AAMP: variants seen among roughly 807,000 people sequenced by gnomAD.
AAMP encodes the protein angio associated migratory cell protein.
In AAMP, 12 loss-of-function variants were observed where a neutral mutation model predicts 51.1. The observed-to-expected ratio is 0.23, with a 90% confidence interval of 0.15 to 0.38. The LOEUF (loss-of-function observed/expected upper bound fraction) is 0.38, where lower values mean the gene tolerates loss of function less well. Ranked by LOEUF, AAMP falls within the 10% of genes least tolerant of loss-of-function variation. The pLI is 1.00. For synonymous variants in AAMP, 210 were observed against 218.7 expected, an observed-to-expected ratio of 0.96 and a Z score of 0.35; for missense variants, 418 against 557.2, an observed-to-expected ratio of 0.75 and a Z score of 2.52.
In AAMP at chr2:218,266,383, G is replaced by A. The variant is rs777962923; in HGVS notation, c.679+60C>T. 6 of 1,587,098 alleles carry A rather than the reference G, an allele frequency of 3.8e-6. No individual in the cohort carries two copies. Among genetic ancestry groups the A allele is most frequent in the Non-Finnish European group, 4.3e-6 (5 of 1,161,652 alleles). The stretch of plus-strand genomic sequence containing the variant: ...GACCCAGAAGGCTGCTCTGGGAGGT[G>A]TATATCCCGGGATTCGGCCTCTGCA... On this transcript the variant is annotated intron_variant, in intron 5 of 10. Coordinates refer to ENST00000248450, the MANE Select transcript of AAMP (RefSeq NM_001087.5). The surrounding 1 kb of genome is among the most constrained non-coding windows in gnomAD (Gnocchi z 4.7).
rs760991217 is a variant in AAMP at position 218,265,590 on chromosome 2, G to A, written c.972C>T (p.Gly324=). The A allele has an allele frequency of 2.5e-6, 4 of 1,613,804 alleles. No individual in the cohort carries two copies. The South Asian group carries it at 4.4e-5, about 18-fold the overall frequency. Residue 324 remains glycine (G), a synonymous_variant, in exon 8 of 11, where the codon GGC becomes GGT. Transcript: ENST00000248450. This position sits in a 1 kb window ranked among gnomAD's most constrained non-coding sequence, Gnocchi z 6.6. ...ESESNSVESL[G]FCSVMPLAAV... is the part of the protein sequence containing the mutation. The stretch of plus-strand genomic sequence containing the variant: ...CCATCCTCACTCACACACTGCAGAA[G>A]CCCAAGGACTCCACCGAGTTGGACT...
Position 218,266,876 on chromosome 2 carries a change from C to T in AAMP, c.505G>A (p.Val169Ile), listed in dbSNP as rs997092266. 1 of 1,614,206 alleles carries T rather than the reference C, an allele frequency of 6.2e-7. No individual in the cohort carries two copies. Among genetic ancestry groups the T allele is most frequent in the South Asian group, 1.1e-5 (1 of 91,084 alleles). ...AGGTCTCCCGCTTCAAAGGACCAGA[C>T]CTCCTCCTTAGTGTCCACCTGCCAC... ...KVWQVDTKEE[V>I]WSFEAGDLEW... Residue 169 changes from valine (V) to isoleucine (I), a missense_variant, in exon 4 of 11, where the codon GTC (valine) becomes ATC (isoleucine). By Grantham distance (29) the Val-to-Ile change is conservative (BLOSUM62 3). Transcript: ENST00000248450. This position sits in a 1 kb window ranked among gnomAD's most constrained non-coding sequence, Gnocchi z 4.7.
chr2:218,264,749 TG>T, intron 10 of AAMP, 141 bp from the exon 11 acceptor site: 1 of 842,768 alleles, frequency 1.2e-6, no homozygotes, highest in Non-Finnish European at 1.9e-6. Context: ...GCAGCCAGCA[TG>T]GAGGGGATTA....
chr2:218,265,389 CCTAAGAGT>C lies in AAMP; in HGVS notation c.1048_1055del (p.Thr350AlafsTer43). The stretch of plus-strand genomic sequence containing the variant: ...CCCATACCTGGTGCTGACACTGATG[CCTAAGAGT>C]CTGCGTAGCCAGGTCATAGATGGCC... On this transcript the variant is annotated frameshift_variant, in exon 9 of 11. Transcript: ENST00000248450. LOFTEE classifies it high-confidence loss of function. The surrounding 1 kb of genome is among the most constrained non-coding windows in gnomAD (Gnocchi z 6.6). The C allele has an allele frequency of 6.4e-7, 1 of 1,560,318 alleles. No homozygotes were observed. The highest frequency in any genetic ancestry group is 8.7e-7 in the Non-Finnish European group (1 of 1,151,134).
At position 218,266,322 on chromosome 2, in the gene AAMP, C is replaced by T; in HGVS notation, c.679+121G>A. 2 of 1,439,764 alleles carry T rather than the reference C, an allele frequency of 1.4e-6. No individual in the cohort carries two copies. Among genetic ancestry groups the T allele is most frequent in the East Asian group, 4.6e-5 (2 of 43,130 alleles). 89.2% of individuals were successfully genotyped at this position (1,439,764 alleles called of 1,614,324 possible). On this transcript the variant is annotated intron_variant, in intron 5 of 10. Transcript: ENST00000248450. This position sits in a 1 kb window ranked among gnomAD's most constrained non-coding sequence, Gnocchi z 4.7. ...TGAACTTTGGGGCCCAGGAGGTCAG[C>T]ACTGCAAACAGCAGGCCTCAGATTT...
In AAMP at chr2:218,265,737, G is replaced by A. The variant is rs1270007341; in HGVS notation, c.880-55C>T. ...ACGGAATCCGGGTGCTTGATGGAGA[G>A]AAAGACGGTGGGGAGAGGAGACAGT... On this transcript the variant is annotated intron_variant, in intron 7 of 10. Coordinates refer to ENST00000248450, the MANE Select transcript of AAMP (RefSeq NM_001087.5). The surrounding 1 kb of genome is among the most constrained non-coding windows in gnomAD (Gnocchi z 6.6). The A allele has an allele frequency of 6.3e-7, 1 of 1,585,448 alleles. No individual in the cohort carries two copies. The highest frequency in any genetic ancestry group is 8.6e-7 in the Non-Finnish European group (1 of 1,157,240).
At position 218,267,398 on chromosome 2, in the gene AAMP, T is replaced by A; in HGVS notation, c.394+96A>T. 1 of 1,541,072 alleles carries A rather than the reference T, an allele frequency of 6.5e-7. No homozygotes were observed. The highest frequency in any genetic ancestry group is 8.9e-7 in the Non-Finnish European group (1 of 1,128,438). ...AGAGCTGGCACAAAAGAGATGTCAC[T>A]AAGTGGCTGTTGGATGCACAACCTC... On this transcript the variant is annotated intron_variant, in intron 3 of 10. Coordinates refer to ENST00000248450, the MANE Select transcript of AAMP (RefSeq NM_001087.5). The surrounding 1 kb of genome is among the most constrained non-coding windows in gnomAD (Gnocchi z 4.6).
In AAMP at chr2:218,266,016, G is replaced by GC. The variant is rs748147108; in HGVS notation, c.763+47dup. 6.2e-7 allele frequency: 1 copy of GC among 1,609,412 alleles called. No individual in the cohort carries two copies. The highest frequency in any genetic ancestry group is 8.5e-7 in the Non-Finnish European group (1 of 1,175,834). The stretch of plus-strand genomic sequence containing the variant: ...CTCTGAGTCCTGCCCCAGGTTCTCA[G>GC]CCCCTCCCTACAAAGGCCCAGGCTA... On this transcript the variant is annotated intron_variant, in intron 6 of 10. Coordinates refer to ENST00000248450, the MANE Select transcript of AAMP (RefSeq NM_001087.5). This position sits in a 1 kb window ranked among gnomAD's most constrained non-coding sequence, Gnocchi z 4.7.
In AAMP at chr2:218,267,646, C is replaced by G; in HGVS notation, c.275-33G>C. ...AAGAGATATTCCATGGGTAAGGGGACAGAGCTCCCACCTAGGGCTCTGTCC... is the reference window on the plus strand; with the variant it reads ...AAGAGATATTCCATGGGTAAGGGGAGAGAGCTCCCACCTAGGGCTCTGTCC... On this transcript the variant is annotated intron_variant, in intron 2 of 10. Transcript: ENST00000248450. The surrounding 1 kb of genome is among the most constrained non-coding windows in gnomAD (Gnocchi z 4.6). 6.2e-7 allele frequency: 1 copy of G among 1,613,808 alleles called. No homozygotes were observed.
At position 218,267,577 on chromosome 2, in the gene AAMP, T is replaced by C; in HGVS notation, c.311A>G (p.Asn104Ser). The C allele has an allele frequency of 6.2e-7, 1 of 1,614,158 alleles. No homozygotes were observed. The highest frequency in any genetic ancestry group is 8.5e-7 in the Non-Finnish European group (1 of 1,180,020). The change falls in exon 3 of 11, where the codon AAT becomes AGT. Residue 104 changes from asparagine (N) to serine (S), a missense_variant. By Grantham distance (46) the Asn-to-Ser change is conservative. Transcript: ENST00000248450. The surrounding 1 kb of genome is among the most constrained non-coding windows in gnomAD (Gnocchi z 4.6). Reference protein sequence around the residue: ...VFCVSLDPKTNTLAVTGGEDD... With the variant: ...VFCVSLDPKTSTLAVTGGEDD... ...TTCACCCCCGGTCACTGCCAAGGTA[T>C]TGGTCTTGGGGTCCAGGCTCACACA... is the stretch of plus-strand genomic sequence containing the variant.
chr2:218,267,375 A>G lies in AAMP; in HGVS notation c.394+119T>C. On this transcript the variant is annotated intron_variant, in intron 3 of 10. Coordinates refer to ENST00000248450, the MANE Select transcript of AAMP (RefSeq NM_001087.5). The surrounding 1 kb of genome is among the most constrained non-coding windows in gnomAD (Gnocchi z 4.6). Reference sequence around the variant, plus strand: ...CCCGTGTCCCTGGGGCCCAGCACAGAGCTGGCACAAAAGAGATGTCACTAA... The same window carrying G: ...CCCGTGTCCCTGGGGCCCAGCACAGGGCTGGCACAAAAGAGATGTCACTAA... 1 of 1,443,968 alleles carries G rather than the reference A, an allele frequency of 6.9e-7. No individual in the cohort carries two copies. Among genetic ancestry groups the G allele is most frequent in the East Asian group, 2.3e-5 (1 of 43,722 alleles). 89.4% of individuals were successfully genotyped at this position (1,443,968 alleles called of 1,614,324 possible).
chr2:218,264,396 G>C lies in AAMP; in HGVS notation c.*137C>G, dbSNP rs1690566676. On this transcript the variant is annotated 3_prime_UTR_variant, in exon 11 of 11. Coordinates refer to ENST00000248450, the MANE Select transcript of AAMP (RefSeq NM_001087.5). ...AGAGAAGAAAAGGAGAGGGGAGCAA[G>C]TCAGTTGAAGAGGCTGGAAAGTCAT... 3 of 817,402 alleles carry C rather than the reference G, an allele frequency of 3.7e-6. No homozygotes were observed. In the Admixed American group the frequency reaches 6.0e-5, roughly 16 times the overall value. 50.6% of individuals were successfully genotyped at this position (817,402 alleles called of 1,614,324 possible).
chr2:218,264,968 A>G, intron 10 of AAMP, 52 bp downstream of exon 10: 2 of 1,610,120 alleles, frequency 1.2e-6, no homozygotes, highest in Non-Finnish European at 1.7e-6. Flanking sequence ...CCTACATACT[A>G]CTGCCACCTT....
chr2:218,269,324 G>A (rs1328158203), intron 2 of AAMP, 58 bp downstream of exon 2: 3 of 1,605,542 alleles, frequency 1.9e-6, no homozygotes, highest in Non-Finnish European at 2.6e-6. Flanking sequence ...CATGGCTGAT[G>A]TTTAATGCTT....
In AAMP at chr2:218,266,838, T is replaced by A; in HGVS notation, c.534+9A>T. 2.7e-5 allele frequency: 44 copies of A among 1,613,790 alleles called. No homozygotes were observed. The highest frequency in any genetic ancestry group is 3.6e-5 in the Non-Finnish European group (43 of 1,179,854). ...CCCACAGAGCTGACTCCCGCTCTGA[T>A]GATCTTACCTCCAGGTCTCCCGCTT... is the stretch of plus-strand genomic sequence containing the variant. On this transcript the variant is annotated intron_variant, in intron 4 of 10. Transcript: ENST00000248450. This position sits in a 1 kb window ranked among gnomAD's most constrained non-coding sequence, Gnocchi z 4.7.
At position 218,270,131 on chromosome 2, in the gene AAMP, CA is replaced by C. The variant is rs767462386; in HGVS notation, c.-46del. ...CACTTCTCTGGGCCCAAACGCCTCCCAGAGTCAGCTCTGCGCGACGACGCGG... is the reference window on the plus strand; with the variant it reads ...CACTTCTCTGGGCCCAAACGCCTCCCGAGTCAGCTCTGCGCGACGACGCGG... On this transcript the variant is annotated 5_prime_UTR_variant, in exon 1 of 11. Coordinates refer to ENST00000248450, the MANE Select transcript of AAMP (RefSeq NM_001087.5). 4.4e-6 allele frequency: 7 copies of C among 1,607,294 alleles called. No individual in the cohort carries two copies.
In AAMP at chr2:218,264,868, C is replaced by A; in HGVS notation, c.1229+152G>T. On this transcript the variant is annotated intron_variant, in intron 10 of 10. Transcript: ENST00000248450. ...GGGGCCCCGGAGGGTCACTGTCAGC[C>A]ACTGGAATGGGGGCTGGGCTGTGAA... is the stretch of plus-strand genomic sequence containing the variant. The A allele has an allele frequency of 2.3e-6, 3 of 1,304,266 alleles. 1 individual carries two copies. The highest frequency in any genetic ancestry group is 2.5e-5 in the South Asian group (2 of 81,162). 80.8% of individuals were successfully genotyped at this position (1,304,266 alleles called of 1,614,324 possible).
intron 1 of AAMP, 157 bp from the exon 2 acceptor site, chr2:218,269,691 G>C (rs1180467951): frequency 1.9e-5 from 24 of 1,277,964 alleles, no homozygotes; most frequent in Middle Eastern, 2.3e-4. Context: ...GACACAGGAC[G>C]GGAGGCCACG....
In AAMP at chr2:218,270,044, G is replaced by A. The variant is rs145888617; in HGVS notation, c.43C>T (p.Pro15Ser). 4 of 1,613,984 alleles carry A rather than the reference G, an allele frequency of 2.5e-6. No homozygotes were observed. The highest frequency in any genetic ancestry group is 1.1e-5 in the South Asian group (1 of 91,092). Residue 15 changes from proline to serine, a missense_variant, in exon 1 of 11, where the codon CCA becomes TCA. Transcript: ENST00000248450. ...CCATGGAAGCTTAGGGTCTCCAGTGGGGGGGTGTCAGCAGCAGCCCCGCTT... is the reference window on the plus strand; with the variant it reads ...CCATGGAAGCTTAGGGTCTCCAGTGAGGGGGTGTCAGCAGCAGCCCCGCTT... ...SESGAAADTPPLETLSFHGDE... is the reference protein window; with the variant it reads ...SESGAAADTPSLETLSFHGDE...
Sources: allele counts gnomAD v4.1 joint callset, GRCh38; gene constraint gnomAD v4.1.1; non-coding constraint Gnocchi (gnomAD v3.1); transcripts MANE v1.5; gene names NCBI Gene and HGNC (gene_info 2026-07-23, HGNC 2026-07-21).